The following SEC16B variants were observed in gnomAD, a reference collection of about 807,000 sequenced individuals.
SEC16B encodes the protein SEC16 homolog B, endoplasmic reticulum export factor.
Under a neutral mutation model 141.8 loss-of-function variants are expected in SEC16B, and 115 were observed. The ratio of observed to expected loss-of-function variants is 0.81; its 90% confidence interval spans 0.70 to 0.95. The LOEUF is 0.95. Ranked by LOEUF, SEC16B falls within the 40% of genes least tolerant of loss-of-function variation. The pLI, the probability that SEC16B is intolerant of heterozygous loss-of-function variation, is 0.00. For synonymous variants in SEC16B, 493 were observed against 492.5 expected (o/e 1.00, Z -0.01); for missense variants, 1,291 against 1,312.3 (o/e 0.98, Z 0.25).
chr1:177,938,983 TG>T (rs1651070861), intron 18 of SEC16B, among the ~76,000 whole-genome samples: 1 of 152,182 alleles, frequency 6.6e-6, no homozygotes, highest in African/African-American at 2.4e-5. Flanking sequence ...GGCAGGGCTG[TG>T]GGGAAGCACA....
Position 177,960,369 on chromosome 1 carries a change from A to AGT in SEC16B, c.970_971insAC (p.Met324AsnfsTer2). ...AATCAAGGGTCCTGAGAAACTTCTC[A>AGT]TCTCCTCTTGCTCTTCGGAATCATT... On this transcript the variant is annotated frameshift_variant, in exon 8 of 26. Coordinates refer to ENST00000308284, the MANE Select transcript of SEC16B (RefSeq NM_033127.4). LOFTEE classifies it high-confidence loss of function. 1 of 1,606,156 alleles carries AGT rather than the reference A, an allele frequency of 6.2e-7. No homozygotes were observed. Among genetic ancestry groups the AGT allele is most frequent in the South Asian group, 1.1e-5 (1 of 89,588 alleles).
Position 177,944,581 on chromosome 1 carries a change from A to T in SEC16B, c.1861T>A (p.Ser621Thr). 6.2e-7 allele frequency: 1 copy of T among 1,613,728 alleles called. No individual in the cohort carries two copies. Among genetic ancestry groups the T allele is most frequent in the Non-Finnish European group, 8.5e-7 (1 of 1,179,732 alleles). ...EYCQMLGRPKSFIPSFQVYKL... is the reference protein window; with the variant it reads ...EYCQMLGRPKTFIPSFQVYKL... Reference sequence around the variant, plus strand: ...GTTACCTGGAAAGAAGGGATGAAGGATTTGGGGCGGCCCAGCATCTGACAG... The same window carrying T: ...GTTACCTGGAAAGAAGGGATGAAGGTTTTGGGGCGGCCCAGCATCTGACAG... The change falls in exon 15 of 26, where the codon TCC becomes ACC. Residue 621 changes from serine to threonine, a missense_variant. Ser to Thr is a moderately conservative substitution (Grantham distance 58). Coordinates refer to ENST00000308284, the MANE Select transcript of SEC16B (RefSeq NM_033127.4).
chr1:177,968,139 A>C, intron 1 of SEC16B, 100 bp from the exon 2 acceptor site: 1 of 652,414 alleles, frequency 1.5e-6, no homozygotes, highest in East Asian at 2.7e-5. Context: ...GGTCCTCGAA[A>C]TATATCTAAA....
chr1:177,949,381 TAAACACACACACACACAC>T (rs1557977574), intron 12 of SEC16B, among the ~76,000 whole-genome samples: 1 of 103,432 alleles, frequency 9.7e-6, no homozygotes, highest in Non-Finnish European at 1.9e-5. Context: ...AATCCCTTGC[TAAACACACACACACACAC>T]ACACACACAC....
chr1:177,959,095 C>T, intron 8 of SEC16B, 120 bp from the exon 9 acceptor site: 1 of 1,033,204 alleles, frequency 9.7e-7, no homozygotes, highest in Non-Finnish European at 1.5e-6. Flanking sequence ...AGAAATCTGA[C>T]AAGCCAGGGC....
rs747822813 is a variant in SEC16B at position 177,932,683 on chromosome 1, G to A, written c.2932+15C>T. ...GGGGACCACCCATGGCCCAGAGGAC[G>A]TGAGGTGACGGTACCTCTGCCCCTG... is the stretch of plus-strand genomic sequence containing the variant. On this transcript the variant is annotated intron_variant, in intron 23 of 25. Coordinates refer to ENST00000308284, the MANE Select transcript of SEC16B (RefSeq NM_033127.4). 4.2e-5 allele frequency: 66 copies of A among 1,561,452 alleles called. No individual in the cohort carries two copies. Among genetic ancestry groups the A allele is most frequent in the Non-Finnish European group, 5.0e-5 (58 of 1,154,658 alleles).
intron 16 of SEC16B, among the ~76,000 whole-genome samples, chr1:177,941,005 T>C (rs1278372316): frequency 6.6e-6 from 1 of 152,202 alleles, no homozygotes; most frequent in Non-Finnish European, 1.5e-5. Context: ...GTCTGCTCTG[T>C]AACAGTGTTT....
upstream of SEC16B, chr1:177,971,254 G>C (rs1653936493): frequency 6.6e-6 from 1 of 152,054 alleles, no homozygotes; most frequent in Non-Finnish European, 1.5e-5. Flanking sequence ...GCTAATTTTT[G>C]TATTTTTAGT....
At chr1:177,945,223 G>A (rs1651593951) in intron 14 of SEC16B, 1 of 152,428 alleles carries the variant, frequency 6.6e-6, no homozygotes, top group Non-Finnish European at 1.5e-5. Flanking sequence ...GATGGGGACT[G>A]AGTGAATGTG....
At chr1:177,960,534 G>GA in intron 7 of SEC16B, 131 bp from the exon 8 acceptor site, 1 of 740,464 alleles carries the variant, frequency 1.4e-6, no homozygotes, top group Non-Finnish European at 2.3e-6. Flanking sequence ...AAAGCAGAAA[G>GA]AAAAAAGTGA....
upstream of SEC16B, chr1:177,970,123 G>A (rs920813027): frequency 6.6e-6 from 1 of 152,328 alleles, no homozygotes; most frequent in African/African-American, 2.4e-5. Flanking sequence ...TGACGAATTT[G>A]CTCAGAACCC....
rs532946172 is a variant in SEC16B at position 177,945,992 on chromosome 1, G to C, written c.1775+428C>G. The C allele has an allele frequency of 1.1e-3, 344 of 316,092 alleles. 1 individual carries two copies. The highest frequency in any genetic ancestry group is 1.7e-3 in the Non-Finnish European group (303 of 173,200). The allele number at this position is 316,092 out of a possible 1,614,324, so 19.6% of individuals were successfully genotyped here. ...ATTGTAGGGATGCTAGGGCCCCAAA[G>C]AGGGACTAAACATAAACTTCTTCCA... On this transcript the variant is annotated intron_variant, in intron 14 of 25. Transcript: ENST00000308284.
chr1:177,933,450 G>A (rs747071395), intron 21 of SEC16B, 34 bp downstream of exon 21: 2 of 1,602,960 alleles, frequency 1.2e-6, no homozygotes, highest in Admixed American at 3.4e-5. Flanking sequence ...GGCAGGGGAA[G>A]GAAGGCAGGG....
intron 4 of SEC16B, among the ~76,000 whole-genome samples, chr1:177,964,845 T>A (rs930619665): frequency 1.3e-5 from 2 of 152,138 alleles, no homozygotes; most frequent in African/African-American, 4.8e-5. Context: ...GAACAGACTG[T>A]CAGTGATAAG....
intron 12 of SEC16B, among the ~76,000 whole-genome samples, chr1:177,950,439 A>G (rs568763889): frequency 1.3e-5 from 2 of 152,308 alleles, no homozygotes; most frequent in Admixed American, 6.5e-5. Flanking sequence ...GCACAAACCT[A>G]ATATAAATAA....
chr1:177,942,292 T>A (rs547029846), intron 15 of SEC16B, among the ~76,000 whole-genome samples: 31 of 152,232 alleles, frequency 2.0e-4, no homozygotes, highest in Non-Finnish European at 4.1e-4. Context: ...CTGGTCACCA[T>A]GCAAAGTGCA....
chr1:177,965,725 A>G (rs1653464096), intron 3 of SEC16B, among the ~76,000 whole-genome samples, 168 bp downstream of exon 3: 1 of 152,188 alleles, frequency 6.6e-6, no homozygotes, highest in African/African-American at 2.4e-5. Flanking sequence ...ACTCCTTTAT[A>G]TCTCTTCTCA....
intron 12 of SEC16B, among the ~76,000 whole-genome samples, chr1:177,949,686 A>G (rs10159282): frequency 0.69 from 105,000 of 152,048 alleles, 37,091 homozygotes; most frequent in African/African-American, 0.83. Context: ...GGCTCTGTGA[A>G]ATTAAGACAC....
At chr1:177,929,984 C>T (rs894283358) in intron 25 of SEC16B, 55 bp from the exon 26 acceptor site, 51 of 1,577,500 alleles carry the variant, frequency 3.2e-5, no homozygotes, top group African/African-American at 9.4e-5. Context: ...TGACTCTGCC[C>T]GGGGTTGATT....
Sources: gnomAD v4.1 joint callset for allele counts (sites outside exome capture counted in the v4.1 genomes callset) on GRCh38, gnomAD v4.1.1 for gene constraint, MANE v1.5 for transcripts, NCBI Gene and HGNC (gene_info 2026-07-23, HGNC 2026-07-21) for gene names.